Variants in CCDC171 observed in about 807,000 individuals in gnomAD.
CCDC171 encodes the protein coiled-coil domain-containing protein 171.
A neutral mutation model predicts 168.2 loss-of-function variants in CCDC171; 177 were observed. That is an observed-to-expected ratio of 1.05 (90% CI 0.93 to 1.19). CCDC171 has a LOEUF of 1.19. Among genes scored for constraint, CCDC171 ranks in the 50% most tolerant of loss-of-function variants. CCDC171 has a pLI of 0.00. For synonymous variants in CCDC171, 687 were observed against 540.8 expected, an observed-to-expected ratio of 1.27 and a Z score of -3.75; for missense variants, 1,991 against 1,539.0, an observed-to-expected ratio of 1.29 and a Z score of -4.91.
At chr9:15,645,063 G>T (rs953643279) in intron 7 of CCDC171, among the ~76,000 whole-genome samples, 2 of 152,198 alleles carry the variant, frequency 1.3e-5, no homozygotes, top group Non-Finnish European at 1.5e-5. Flanking sequence ...GAACGATCAG[G>T]CAGCAACATT....
chr9:15,968,773 A>G (rs1030684075), intron 25 of CCDC171, among the ~76,000 whole-genome samples: 1 of 152,204 alleles, frequency 6.6e-6, no homozygotes, highest in South Asian at 2.1e-4. Context: ...TCCTGACCTC[A>G]GGTGATCCAC....
downstream of CCDC171, among the ~76,000 whole-genome samples, chr9:16,063,308 C>T (rs767624392): frequency 1.1e-4 from 17 of 152,042 alleles, no homozygotes; most frequent in East Asian, 1.9e-4. Context: ...CACTACCTGG[C>T]GGGCAGGTGG....
the CCDC171 span, among the ~76,000 whole-genome samples, chr9:16,101,594 G>A: frequency 3.3e-5 from 5 of 152,244 alleles, no homozygotes; most frequent in Admixed American, 3.3e-4. Context: ...ATCTGGGTGT[G>A]CCTAACCAAA....
At chr9:15,590,777 CTTTCTTTCTT>C (rs1167272703) in intron 4 of CCDC171, among the ~76,000 whole-genome samples, 2 of 104,218 alleles carry the variant, frequency 1.9e-5, no homozygotes, top group African/African-American at 7.2e-5. Flanking sequence ...CTTTCTCTTT[CTTTCTTTCTT>C]TCTTTCTTTC....
At chr9:15,746,167 T>A (rs1258194943) in intron 18 of CCDC171, among the ~76,000 whole-genome samples, 4 of 152,220 alleles carry the variant, frequency 2.6e-5, no homozygotes, top group Non-Finnish European at 5.9e-5. Flanking sequence ...TTTTTTATGA[T>A]TCGGATTGCA....
At chr9:15,930,315 G>T (rs919208521) in intron 25 of CCDC171, among the ~76,000 whole-genome samples, 3 of 150,980 alleles carry the variant, frequency 2.0e-5, no homozygotes, top group African/African-American at 7.3e-5. Context: ...AAAATGAGTA[G>T]AATAATTTAC....
intron 24 of CCDC171, among the ~76,000 whole-genome samples, chr9:15,901,907 A>G (rs1318706705): frequency 6.6e-6 from 1 of 152,196 alleles, no homozygotes; most frequent in African/African-American, 2.4e-5. Context: ...GTTTATAATG[A>G]GATGAGAGAC....
rs1189152926 is a variant in CCDC171, at chr9:15,819,144, G to C, written c.3268-27558G>C. On this transcript the variant is annotated intron_variant, in intron 21 of 25. Transcript: ENST00000380701. ...AATCCTTTACAGACAAGCAAATGCT[G>C]AGAGATTTTGTCATCACCAGGCCTG... 3.4e-5 allele frequency among the ~76,000 whole-genome samples: 4 copies of C among 117,532 alleles called. 1 individual carries two copies. Among genetic ancestry groups the C allele is most frequent in the Non-Finnish European group, 7.6e-5 (4 of 52,382 alleles). 77.1% of individuals were successfully genotyped at this position (117,532 alleles called of 152,430 possible). A position where few individuals can be genotyped will look rare whatever the true frequency, so the allele number is the denominator to read the frequency against.
At chr9:15,872,399 A>G (rs767572837) in intron 23 of CCDC171, among the ~76,000 whole-genome samples, 16 of 152,060 alleles carry the variant, frequency 1.1e-4, no homozygotes, top group Non-Finnish European at 1.9e-4. Flanking sequence ...CTGTATGTCA[A>G]GCTTCGTGGA....
intron 25 of CCDC171, among the ~76,000 whole-genome samples, chr9:15,941,984 C>G (rs1827787978): frequency 6.6e-6 from 1 of 151,824 alleles, no homozygotes; most frequent in Non-Finnish European, 1.5e-5. Context: ...ACCATGCTCT[C>G]CCCCATGAGC....
At chr9:15,804,750 A>G (rs1430404477) in intron 21 of CCDC171, among the ~76,000 whole-genome samples, 2 of 151,932 alleles carry the variant, frequency 1.3e-5, no homozygotes, top group Non-Finnish European at 1.5e-5. Flanking sequence ...GGCCTCATAG[A>G]ATGAGTTTGG....
intron 11 of CCDC171, among the ~76,000 whole-genome samples, chr9:15,708,540 G>A (rs2133986538): frequency 6.6e-6 from 1 of 152,252 alleles, no homozygotes. Context: ...GGCAATAAGA[G>A]TATTCTCCCC....
At chr9:15,931,054 C>T (rs926127307) in intron 25 of CCDC171, among the ~76,000 whole-genome samples, 2 of 151,716 alleles carry the variant, frequency 1.3e-5, no homozygotes, top group African/African-American at 4.8e-5. Flanking sequence ...CATTGGAGTG[C>T]AGCTATCTCT....
At chr9:16,052,358 C>G (rs1833762829) in intron 1 of CCDC171, among the ~76,000 whole-genome samples, 2 of 152,154 alleles carry the variant, frequency 1.3e-5, no homozygotes, top group Admixed American at 1.3e-4. Context: ...TCTGCTGCTG[C>G]TGTGAGACTG....
intron 2 of CCDC171, among the ~76,000 whole-genome samples, chr9:15,568,983 C>A (rs1262485504): frequency 6.6e-6 from 1 of 152,144 alleles, no homozygotes; most frequent in African/African-American, 2.4e-5. Context: ...TTCCTGTGTC[C>A]AGGATGGTAT....
chr9:15,768,110 C>G (rs922697818), intron 18 of CCDC171, among the ~76,000 whole-genome samples: 1 of 150,488 alleles, frequency 6.6e-6, no homozygotes, highest in Non-Finnish European at 1.5e-5. Flanking sequence ...CATCTATGTG[C>G]TGATGGCTCC....
chr9:15,634,945 T>G (rs1223175895), intron 7 of CCDC171, among the ~76,000 whole-genome samples: 1 of 152,200 alleles, frequency 6.6e-6, no homozygotes, highest in African/African-American at 2.4e-5. Context: ...GTTTTCAAGG[T>G]TTGTCCATGT....
chr9:15,837,948 T>A (rs1015558008), intron 21 of CCDC171, among the ~76,000 whole-genome samples: 2 of 152,198 alleles, frequency 1.3e-5, no homozygotes, highest in Non-Finnish European at 2.9e-5. Flanking sequence ...GAAAACATTT[T>A]AAAACCATAG....
intron 7 of CCDC171, among the ~76,000 whole-genome samples, chr9:15,649,275 A>G (rs940154785): frequency 2.0e-5 from 3 of 152,262 alleles, no homozygotes; most frequent in East Asian, 1.9e-4. Flanking sequence ...TTAAATGTTA[A>G]ACCTAAAACC....
Sources: gnomAD v4.1 joint callset for allele counts (sites outside exome capture counted in the v4.1 genomes callset) on GRCh38, gnomAD v4.1.1 for gene constraint, MANE v1.5 for transcripts, NCBI Gene and HGNC (gene_info 2026-07-23, HGNC 2026-07-21) for gene names.